Variants in CACNA1A observed in about 807,000 individuals in gnomAD.
CACNA1A encodes voltage-dependent P/Q-type calcium channel subunit alpha-1A.
Under a neutral mutation model 262.4 loss-of-function variants are expected in CACNA1A, and 57 were observed. The observed-to-expected ratio is 0.22, with a 90% CI of 0.18 to 0.27. The LOEUF (loss-of-function observed/expected upper bound fraction) is 0.27, where lower values mean the gene tolerates loss of function less well. Among genes scored for constraint, CACNA1A ranks in the 10% least tolerant of loss-of-function variants. The pLI is 1.00. For synonymous variants in CACNA1A, 1,431 were observed against 1,419.3 expected (o/e 1.01, Z -0.18); for missense variants, 2,526 against 3,562.8 (o/e 0.71, Z 7.41).
intron 6 of CACNA1A, among the ~76,000 whole-genome samples, chr19:13,348,512 G>A (rs960140754): frequency 2.0e-5 from 3 of 151,926 alleles, no homozygotes; most frequent in Non-Finnish European, 2.9e-5. Context: ...AGACCAGCCC[G>A]GCCAACATGT....
chr19:13,359,056 T>A (rs1444456213), intron 6 of CACNA1A, among the ~76,000 whole-genome samples: 1 of 152,238 alleles, frequency 6.6e-6, no homozygotes, highest in African/African-American at 2.4e-5. Flanking sequence ...TACGAACAGA[T>A]CCATATGAGA....
intron 17 of CACNA1A, among the ~76,000 whole-genome samples, chr19:13,302,561 A>C (rs2057808205): frequency 6.6e-6 from 1 of 152,238 alleles, no homozygotes; most frequent in African/African-American, 2.4e-5. Context: ...AAGAATGTGG[A>C]TCTGGAGAGG....
In CACNA1A at chr19:13,300,603, G is replaced by A. The variant is rs758094181; in HGVS notation, c.2226C>T (p.Ala742=). Residue 742 remains alanine (A), a synonymous_variant, in exon 18 of 47, where the codon GCC becomes GCT. Coordinates refer to ENST00000360228, the MANE Select transcript of CACNA1A (RefSeq NM_001127222.2). The part of the protein sequence containing the change: ...AANQKLALQK[A]KEVAEVSPLS... ...GAGGACTCACTTCTGCCACCTCCTT[G>A]GCTTTCTGTAGGGCAAGTTTCTGGT... 1.2e-6 allele frequency: 2 copies of A among 1,613,838 alleles called. 1 individual carries two copies.
At position 13,457,994 on chromosome 19, in the gene CACNA1A, G is replaced by A. The variant is rs1264472315; in HGVS notation, c.294-2782C>T. Among the ~76,000 whole-genome samples, 5 of 152,084 alleles carry A rather than the reference G, an allele frequency of 3.3e-5. No individual in the cohort carries two copies. In the East Asian group the frequency reaches 9.6e-4, roughly 29 times the overall value. ...CCATGTATATGAAATATCCCGAACA[G>A]GCAAATCCAGAGACAGACAGCAGAT... On this transcript the variant is annotated intron_variant, in intron 1 of 46. Transcript: ENST00000360228.
Position 13,303,846 on chromosome 19 carries a change from G to A in CACNA1A, c.2025C>T (p.Asp675=), listed in dbSNP as rs1170735669. The part of the protein sequence containing the change: ...TGEDWNEVMY[D]GIKSQGGVQG... ...GCACGCCCCCCTGAGACTTGATCCC[G>A]TCGTACATGACCTCGTTCCAGTCTT... Residue 675 remains aspartate (D), a synonymous_variant, in exon 16 of 47, where the codon GAC becomes GAT. Transcript: ENST00000360228. The A allele has an allele frequency of 9.9e-6, 16 of 1,613,514 alleles. No individual in the cohort carries two copies. Among genetic ancestry groups the A allele is most frequent in the South Asian group, 6.6e-5 (6 of 91,066 alleles).
intron 1 of CACNA1A, among the ~76,000 whole-genome samples, chr19:13,462,126 C>T (rs1278413829): frequency 6.6e-6 from 1 of 152,188 alleles, no homozygotes; most frequent in Non-Finnish European, 1.5e-5. Context: ...GTTCCCATCC[C>T]TTAGCAAGAC....
chr19:13,441,887 C>G (rs999174738), intron 3 of CACNA1A, among the ~76,000 whole-genome samples: 2 of 152,070 alleles, frequency 1.3e-5, no homozygotes, highest in African/African-American at 4.8e-5. Context: ...CAGTCGGCCC[C>G]CAAACCTGCG....
At chr19:13,336,600 A>AGAGGGAGAGAGAGGGAGG (rs750476134) in intron 6 of CACNA1A, among the ~76,000 whole-genome samples, 1 of 110,864 alleles carries the variant, frequency 9.0e-6, no homozygotes, top group Non-Finnish European at 1.8e-5. Flanking sequence ...AGAGGGAGAG[A>AGAGGGAGAGAGAGGGAGG]GAGAGAGAGA....
chr19:13,379,038 TG>T (rs919067391), intron 3 of CACNA1A, among the ~76,000 whole-genome samples: 1 of 149,988 alleles, frequency 6.7e-6, no homozygotes, highest in Non-Finnish European at 1.5e-5. Context: ...TAGAGTGCAG[TG>T]GTGTGATCAC....
chr19:13,303,322 C>A (rs2057826914), intron 17 of CACNA1A, among the ~76,000 whole-genome samples: 1 of 152,156 alleles, frequency 6.6e-6, no homozygotes, highest in African/African-American at 2.4e-5. Flanking sequence ...TCACTGCCTT[C>A]CCCCTTCCCA....
chr19:13,340,552 A>G (rs543565909), intron 6 of CACNA1A, among the ~76,000 whole-genome samples: 155 of 150,574 alleles, frequency 1.0e-3, no homozygotes, highest in Non-Finnish European at 2.0e-3. Context: ...TCACCCTCCC[A>G]AGTAGTTGGG....
At chr19:13,283,201 A>C in intron 22 of CACNA1A, 66 bp downstream of exon 22, 1 of 1,580,402 alleles carries the variant, frequency 6.3e-7, no homozygotes, top group South Asian at 1.2e-5. Flanking sequence ...AGCATTTTGG[A>C]TGCAGGAGAA....
At chr19:13,373,855 T>C (rs576805308) in intron 3 of CACNA1A, among the ~76,000 whole-genome samples, 10 of 152,326 alleles carry the variant, frequency 6.6e-5, no homozygotes, top group African/African-American at 1.4e-4. Context: ...CATATGAGAC[T>C]ATCCCTGCCC....
At chr19:13,478,460 G>A (rs1426260161) in intron 1 of CACNA1A, among the ~76,000 whole-genome samples, 1 of 152,150 alleles carries the variant, frequency 6.6e-6, no homozygotes, top group African/African-American at 2.4e-5. Flanking sequence ...TGGAACTACA[G>A]GCATGCATTG....
chr19:13,224,185 G>A (rs1435550263), intron 38 of CACNA1A, among the ~76,000 whole-genome samples: 1 of 152,030 alleles, frequency 6.6e-6, no homozygotes, highest in Non-Finnish European at 1.5e-5. Context: ...TTAGCCGGGT[G>A]TGCTGGTGGG....
intron 40 of CACNA1A, chr19:13,213,612 TA>T: frequency 6.7e-6 from 1 of 150,368 alleles, no homozygotes; most frequent in Middle Eastern, 3.5e-3. Context: ...TAATACTCAA[TA>T]AGTGTTGGTG....
chr19:13,232,796 C>T (rs1336104674), intron 34 of CACNA1A, among the ~76,000 whole-genome samples: 2 of 150,340 alleles, frequency 1.3e-5, no homozygotes, highest in Non-Finnish European at 2.9e-5. Flanking sequence ...TGCCTGTAAT[C>T]CCAGCACTTT....
intron 46 of CACNA1A, 82 bp downstream of exon 46, chr19:13,208,674 T>G: frequency 7.0e-7 from 1 of 1,435,722 alleles, no homozygotes. Flanking sequence ...TTGCCTAGAG[T>G]GGCTGTTGGA....
intron 3 of CACNA1A, among the ~76,000 whole-genome samples, chr19:13,421,048 T>C (rs1415532217): frequency 6.6e-6 from 1 of 152,172 alleles, no homozygotes; most frequent in African/African-American, 2.4e-5. Context: ...GCTGCCACTT[T>C]TGGGTCTGAG....
Sources: gnomAD v4.1 joint callset for allele counts (sites outside exome capture counted in the v4.1 genomes callset) on GRCh38, gnomAD v4.1.1 for gene constraint, MANE v1.5 for transcripts, NCBI Gene and HGNC (gene_info 2026-07-23, HGNC 2026-07-21) for gene names.